Variants in HDAC9 observed in about 807,000 individuals in gnomAD.
HDAC9 encodes the protein histone deacetylase 9.
Under a neutral mutation model 139.4 loss-of-function variants are expected in HDAC9, and 41 were observed. The ratio of observed to expected loss-of-function variants is 0.29; its 90% CI spans 0.23 to 0.38. The LOEUF is 0.38. Among genes scored for constraint, HDAC9 ranks in the 10% least tolerant of loss-of-function variants. The pLI, the probability that HDAC9 is intolerant of heterozygous loss-of-function variation, is 1.00. For synonymous variants in HDAC9, 517 were observed against 476.2 expected (o/e 1.09, Z -1.12); for missense variants, 1,147 against 1,297.0 (o/e 0.88, Z 1.78).
At chr7:18,605,361 C>T (rs779929554) in intron 6 of HDAC9, among the ~76,000 whole-genome samples, 1 of 152,150 alleles carries the variant, frequency 6.6e-6, no homozygotes, top group African/African-American at 2.4e-5. Context: ...TGTTTCCTCC[C>T]CTTAAGTAAG....
intron 1 of HDAC9, among the ~76,000 whole-genome samples, chr7:18,474,647 A>T (rs760706069): frequency 1.3e-5 from 2 of 152,212 alleles, no homozygotes; most frequent in Non-Finnish European, 2.9e-5. Flanking sequence ...TTATGTGTTT[A>T]TCTTGAGCTG....
chr7:18,621,917 A>T (rs1840321958), intron 6 of HDAC9, among the ~76,000 whole-genome samples: 1 of 152,202 alleles, frequency 6.6e-6, no homozygotes, highest in Admixed American at 6.5e-5. Flanking sequence ...AACTGTAGTG[A>T]TTACTGATTT....
intron 25 of HDAC9, among the ~76,000 whole-genome samples, chr7:18,984,728 G>C (rs1785192698): frequency 6.6e-6 from 1 of 152,126 alleles, no homozygotes; most frequent in Non-Finnish European, 1.5e-5. Flanking sequence ...TTAGCTGAGA[G>C]AGAAAAAAGG....
intron 2 of HDAC9, among the ~76,000 whole-genome samples, chr7:18,167,989 A>T (rs1471515176): frequency 6.6e-6 from 1 of 152,228 alleles, no homozygotes; most frequent in African/African-American, 2.4e-5. Context: ...ATTGAAACAC[A>T]TTAAAATCAG....
intron 15 of HDAC9, among the ~76,000 whole-genome samples, chr7:18,764,041 GT>G (rs1413493645): frequency 2.0e-5 from 3 of 151,984 alleles, no homozygotes; most frequent in Non-Finnish European, 4.4e-5. Flanking sequence ...ACATGGCGAT[GT>G]TTTTTTAAAA....
chr7:18,930,523 A>T (rs1284168356), intron 22 of HDAC9, among the ~76,000 whole-genome samples: 1 of 152,138 alleles, frequency 6.6e-6, no homozygotes, highest in African/African-American at 2.4e-5. Flanking sequence ...CCTGAAAAAT[A>T]ATACCTTCAC....
At chr7:18,158,806 T>G (rs1032796623) in intron 1 of HDAC9, among the ~76,000 whole-genome samples, 2 of 152,190 alleles carry the variant, frequency 1.3e-5, no homozygotes, top group Non-Finnish European at 2.9e-5. Context: ...AGGACAGTAA[T>G]AGGCTGGGAC....
At chr7:18,623,479 G>T (rs1840784216) in intron 6 of HDAC9, among the ~76,000 whole-genome samples, 1 of 152,060 alleles carries the variant, frequency 6.6e-6, no homozygotes, top group East Asian at 1.9e-4. Context: ...TGCACTTCAT[G>T]AAACATTCAT....
chr7:18,599,608 A>C (rs1833411566), intron 6 of HDAC9, among the ~76,000 whole-genome samples: 1 of 152,172 alleles, frequency 6.6e-6, no homozygotes, highest in African/African-American at 2.4e-5. Flanking sequence ...AGATTCTTCC[A>C]TGTATTTTGG....
chr7:18,991,128 G>T (rs2526633), intron 25 of HDAC9, among the ~76,000 whole-genome samples: 160 of 152,092 alleles, frequency 1.1e-3, no homozygotes, highest in African/African-American at 3.4e-3. Flanking sequence ...TATCATACTT[G>T]TAAAGAGCAC....
chr7:18,427,812 A>G (rs1160534246), intron 1 of HDAC9, among the ~76,000 whole-genome samples: 1 of 151,938 alleles, frequency 6.6e-6, no homozygotes, highest in African/African-American at 2.4e-5. Context: ...ATCTGTAGGA[A>G]TAATGTTGTA....
At chr7:18,385,834 T>C (rs1785872418) in intron 1 of HDAC9, among the ~76,000 whole-genome samples, 1 of 152,154 alleles carries the variant, frequency 6.6e-6, no homozygotes, top group African/African-American at 2.4e-5. Flanking sequence ...AAAAATTTCC[T>C]AGCATAGGAC....
chr7:18,322,481 G>A (rs1800101840), intron 1 of HDAC9, among the ~76,000 whole-genome samples: 1 of 152,132 alleles, frequency 6.6e-6, no homozygotes, highest in Non-Finnish European at 1.5e-5. Context: ...TAACTTTCAA[G>A]GCTTACTTAA....
At chr7:18,718,919 C>T (rs1298499705) in intron 12 of HDAC9, among the ~76,000 whole-genome samples, 2 of 152,182 alleles carry the variant, frequency 1.3e-5, no homozygotes, top group Non-Finnish European at 2.9e-5. Context: ...TTCTCTGCAT[C>T]TTCCACAGCA....
chr7:18,261,440 A>T (rs1795672217), intron 2 of HDAC9, among the ~76,000 whole-genome samples: 1 of 152,212 alleles, frequency 6.6e-6, no homozygotes, highest in South Asian at 2.1e-4. Context: ...AATCCTTAAG[A>T]ATCCCAAGAA....
chr7:18,148,948 G>A (rs1222239393), intron 1 of HDAC9, among the ~76,000 whole-genome samples: 1 of 152,176 alleles, frequency 6.6e-6, no homozygotes, highest in Admixed American at 6.5e-5. Flanking sequence ...TGCAGGGGGA[G>A]GGTATTGTAC....
intron 1 of HDAC9, among the ~76,000 whole-genome samples, chr7:18,345,455 C>G (rs972764899): frequency 6.6e-6 from 1 of 151,818 alleles, no homozygotes; most frequent in Non-Finnish European, 1.5e-5. Context: ...TCACAATTCT[C>G]CTAGCCAACC....
intron 2 of HDAC9, among the ~76,000 whole-genome samples, chr7:18,256,341 G>A (rs560165444): frequency 6.6e-6 from 1 of 152,248 alleles, no homozygotes; most frequent in African/African-American, 2.4e-5. Flanking sequence ...TTGGGGAATA[G>A]CAAATAAATA....
intron 1 of HDAC9, among the ~76,000 whole-genome samples, chr7:18,141,954 C>G (rs1300952577): frequency 1.3e-5 from 2 of 152,210 alleles, no homozygotes; most frequent in African/African-American, 4.8e-5. Flanking sequence ...CTAGAATACC[C>G]TATCAGTTCA....
Sources: gnomAD v4.1 joint callset for allele counts (sites outside exome capture counted in the v4.1 genomes callset) on GRCh38, gnomAD v4.1.1 for gene constraint, MANE v1.5 for transcripts, NCBI Gene and HGNC (gene_info 2026-07-23, HGNC 2026-07-21) for gene names.